Variants in CSDC2 observed in about 807,000 individuals in gnomAD.
The protein encoded by CSDC2 is cold shock domain containing C2.
Under a neutral mutation model 15.8 loss-of-function variants are expected in CSDC2, and 8 were observed. The observed-to-expected ratio is 0.51, with a 90% CI of 0.30 to 0.92. The LOEUF (loss-of-function observed/expected upper bound fraction) is 0.92, where lower values mean the gene tolerates loss of function less well. Ranked by LOEUF, CSDC2 falls within the 40% of genes least tolerant of loss-of-function variation. The pLI is 0.07. For synonymous variants in CSDC2, 96 were observed against 92.3 expected (o/e 1.04, Z -0.23); for missense variants, 195 against 213.3 (o/e 0.91, Z 0.53).
At chr22:41,572,266 A>C (rs2067148763) in intron 2 of CSDC2, 125 bp downstream of exon 2, 1 of 738,492 alleles carries the variant, frequency 1.4e-6, no homozygotes, top group South Asian at 7.3e-5. Context: ...CCTTCCAGTA[A>C]CTGGATGGAT....
chr22:41,571,414 G>A (rs1412451010), intron 1 of CSDC2, among the ~76,000 whole-genome samples: 1 of 152,186 alleles, frequency 6.6e-6, no homozygotes, highest in Non-Finnish European at 1.5e-5. Context: ...GGAGGATGCA[G>A]GATTCAAACC....
At chr22:41,562,963 A>G (rs1214105332) in intron 1 of CSDC2, among the ~76,000 whole-genome samples, 1 of 152,074 alleles carries the variant, frequency 6.6e-6, no homozygotes, top group Non-Finnish European at 1.5e-5. Context: ...TGACTTGCCT[A>G]GGGTCGCACA....
chr22:41,561,662 T>C (rs748326215), intron 1 of CSDC2, among the ~76,000 whole-genome samples: 4 of 152,214 alleles, frequency 2.6e-5, no homozygotes, highest in Non-Finnish European at 4.4e-5. Context: ...AGCAGCTGTC[T>C]TATCCTGACT....
intron 1 of CSDC2, among the ~76,000 whole-genome samples, chr22:41,566,419 G>A (rs1011611940): frequency 6.2e-5 from 8 of 128,966 alleles, no homozygotes; most frequent in African/African-American, 2.4e-4. Context: ...ACTCCAGCCT[G>A]TTCACAGAGC....
chr22:41,562,717 G>A, intron 1 of CSDC2, among the ~76,000 whole-genome samples: 1 of 152,110 alleles, frequency 6.6e-6, no homozygotes, highest in East Asian at 1.9e-4. Flanking sequence ...TTGTAGGAAT[G>A]GGGCTTGGGG....
intron 1 of CSDC2, among the ~76,000 whole-genome samples, chr22:41,570,322 C>T (rs767572017): frequency 6.6e-5 from 10 of 152,170 alleles, no homozygotes; most frequent in Non-Finnish European, 2.9e-5. Context: ...CACCCCTAGG[C>T]ATGGCAGAGC....
At chr22:41,566,184 G>A (rs1400545486) in intron 1 of CSDC2, among the ~76,000 whole-genome samples, 2 of 148,840 alleles carry the variant, frequency 1.3e-5, no homozygotes, top group Non-Finnish European at 3.0e-5. Flanking sequence ...AGTGGCTCAC[G>A]CCTGTAATCC....
Position 41,564,370 on chromosome 22 carries a change from C to T in CSDC2, c.-124+3187C>T, listed in dbSNP as rs553175420. On this transcript the variant is annotated intron_variant, in intron 1 of 3. Coordinates refer to ENST00000306149, the MANE Select transcript of CSDC2 (RefSeq NM_014460.4). ...CGTCTCCCGGGTTCACACCATCCTC[C>T]GGCCTCAGGCCTCCCCAGTGACTGG... Among the ~76,000 whole-genome samples the T allele has an allele frequency of 2.2e-4, 34 of 152,202 alleles. No homozygotes were observed. In the East Asian group the frequency reaches 5.3e-3, roughly 24 times the overall value.
chr22:41,573,609 A>G, intron 2 of CSDC2, 46 bp from the exon 3 acceptor site: 2 of 1,577,494 alleles, frequency 1.3e-6, no homozygotes, highest in Non-Finnish European at 1.7e-6. Flanking sequence ...GGATCCGGGG[A>G]GGAGTTCCTC....
chr22:41,568,134 C>CTTTT (rs66884544), intron 1 of CSDC2, among the ~76,000 whole-genome samples: 1 of 109,554 alleles, frequency 9.1e-6, no homozygotes, highest in Admixed American at 1.0e-4. Context: ...CTCTCCCTCT[C>CTTTT]TTTTTTTTGA....
At chr22:41,569,593 C>T (rs1399374935) in intron 1 of CSDC2, among the ~76,000 whole-genome samples, 1 of 152,030 alleles carries the variant, frequency 6.6e-6, no homozygotes, top group Non-Finnish European at 1.5e-5. Flanking sequence ...TAGGGTGTAG[C>T]GTGAATCAGT....
chr22:41,574,998 C>A lies in CSDC2; in HGVS notation c.*103C>A. 2.2e-6 allele frequency: 3 copies of A among 1,343,014 alleles called. No individual in the cohort carries two copies. The highest frequency in any genetic ancestry group is 1.4e-5 in the South Asian group (1 of 72,662). 83.2% of individuals were successfully genotyped at this position (1,343,014 alleles called of 1,614,324 possible). A position where few individuals can be genotyped will look rare whatever the true frequency, so the allele number is the denominator to read the frequency against. On this transcript the variant is annotated 3_prime_UTR_variant, in exon 4 of 4. Transcript: ENST00000306149. ...CCACTGCCCTGGCTGATGAGTCCTT[C>A]GGTGGCCTCAGTGTGCACGTCTGTC...
intron 1 of CSDC2, among the ~76,000 whole-genome samples, chr22:41,571,035 A>G (rs565335410): frequency 6.6e-6 from 1 of 151,846 alleles, no homozygotes; most frequent in South Asian, 2.1e-4. Context: ...TACAGAACAG[A>G]AAATAAGAGT....
chr22:41,567,203 T>TG (rs2067120827), intron 1 of CSDC2, among the ~76,000 whole-genome samples: 2 of 152,174 alleles, frequency 1.3e-5, no homozygotes, highest in African/African-American at 4.8e-5. Context: ...AAAGTTCTTT[T>TG]GGAAAAACTC....
chr22:41,573,507 T>C, intron 2 of CSDC2, 148 bp from the exon 3 acceptor site: 2 of 915,024 alleles, frequency 2.2e-6, no homozygotes, highest in Non-Finnish European at 1.6e-6. Context: ...CTCATTATCG[T>C]TGAATGGGGA....
intron 2 of CSDC2, 85 bp downstream of exon 2, chr22:41,572,226 C>CCAGG: frequency 1.7e-6 from 2 of 1,157,866 alleles, no homozygotes; most frequent in Non-Finnish European, 2.2e-6. Flanking sequence ...TCCTGTTGTC[C>CCAGG]TCACCTGGGA....
chr22:41,570,982 C>CAAA (rs527329866), intron 1 of CSDC2, among the ~76,000 whole-genome samples: 18 of 82,402 alleles, frequency 2.2e-4, no homozygotes, highest in African/African-American at 6.5e-4. Flanking sequence ...GACCATGTCT[C>CAAA]AAAAAAAAAA....
rs779530106 is a variant in CSDC2, at chr22:41,574,846, C to T, written c.413C>T (p.Ala138Val). 2.4e-5 allele frequency: 38 copies of T among 1,611,072 alleles called. No individual in the cohort carries two copies. The highest frequency in any genetic ancestry group is 2.5e-6 in the Non-Finnish European group (3 of 1,178,948). The change falls in exon 4 of 4, where the codon GCC (alanine) becomes GTC (valine). Residue 138 changes from alanine (A) to valine (V), a missense_variant. Physicochemically the swap from Ala to Val is moderately conservative, Grantham distance 64 (BLOSUM62 0). Transcript: ENST00000306149. ...GTGGAGGTGGTGCTCACTCAGCTGG[C>T]CCCCCACACTCCCCACGAGACGTGG... ...QAVEVVLTQL[A>V]PHTPHETWSG...
intron 1 of CSDC2, among the ~76,000 whole-genome samples, chr22:41,568,132 C>CTTTTTTTTTT (rs1468961578): frequency 7.1e-4 from 4 of 5,612 alleles, no homozygotes; most frequent in Admixed American, 2.6e-3. Context: ...CTCTCTCCCT[C>CTTTTTTTTTT]TCTTTTTTTT....
Sources: allele counts gnomAD v4.1 joint callset (sites outside exome capture counted in the v4.1 genomes callset), GRCh38; gene constraint gnomAD v4.1.1; transcripts MANE v1.5; gene names NCBI Gene and HGNC (gene_info 2026-07-23, HGNC 2026-07-21).